The following MTHFD2L variants were observed in gnomAD, a reference collection of about 807,000 sequenced individuals.
MTHFD2L encodes methylenetetrahydrofolate dehydrogenase (NADP+ dependent) 2 like, also known as bifunctional methylenetetrahydrofolate dehydrogenase/cyclohydrolase 2, mitochondrial.
Under a neutral mutation model 34.9 loss-of-function variants are expected in MTHFD2L, and 29 were observed. That is an observed-to-expected ratio of 0.83 (90% CI 0.62 to 1.13). MTHFD2L has a LOEUF of 1.13. Among genes scored for constraint, MTHFD2L ranks in the 50% most tolerant of loss-of-function variants. MTHFD2L has a pLI of 0.00. For missense variants in MTHFD2L, 481 were observed against 446.5 expected (o/e 1.08, Z -0.70); for synonymous variants, 167 against 155.7 (o/e 1.07, Z -0.54).
Position 74,241,540 on chromosome 4 carries a change from C to T in MTHFD2L, c.805+16146C>T, listed in dbSNP as rs114668261. The T allele has an allele frequency of 4.6e-3, 2,040 of 440,592 alleles. 29 individuals are homozygous for T. The highest frequency in any genetic ancestry group is 0.038 in the African/African-American group (1,881 of 49,580). The allele number at this position is 440,592 out of a possible 1,614,324, so 27.3% of individuals were successfully genotyped here. On this transcript the variant is annotated intron_variant, in intron 6 of 7. Coordinates refer to ENST00000325278, the MANE Select transcript of MTHFD2L (RefSeq NM_001144978.3). ...TCCTAAGTAGGTGCACACCACCATG[C>T]GTAGCTAATTTTTGTATTTTTTGTA...
At chr4:74,215,156 G>A (rs769273641) in intron 5 of MTHFD2L, among the ~76,000 whole-genome samples, 4 of 151,750 alleles carry the variant, frequency 2.6e-5, no homozygotes, top group Admixed American at 6.6e-5. Flanking sequence ...GGTGGGATCC[G>A]CTGAACTAGA....
chr4:74,196,274 G>A (rs1490906657), intron 3 of MTHFD2L, among the ~76,000 whole-genome samples: 1 of 152,050 alleles, frequency 6.6e-6, no homozygotes, highest in Non-Finnish European at 1.5e-5. Context: ...TGAATAGGAT[G>A]TGAAAAAAAC....
intron 1 of MTHFD2L, among the ~76,000 whole-genome samples, chr4:74,144,917 T>C (rs1723498910): frequency 6.6e-6 from 1 of 152,188 alleles, no homozygotes; most frequent in African/African-American, 2.4e-5. Flanking sequence ...TAATAGTAAG[T>C]GCTGTAAGTG....
chr4:74,121,272 C>A (rs910534204), upstream of MTHFD2L, among the ~76,000 whole-genome samples: 78 of 152,096 alleles, frequency 5.1e-4, no homozygotes, highest in African/African-American at 1.8e-3. Flanking sequence ...CTTGAGATGG[C>A]AAATGACAAT....
chr4:74,118,986 A>C (rs970416676), upstream of MTHFD2L, among the ~76,000 whole-genome samples: 1 of 152,176 alleles, frequency 6.6e-6, no homozygotes, highest in African/African-American at 2.4e-5. Flanking sequence ...AGCTCTGAGG[A>C]GTGGTTGCAA....
At chr4:74,193,310 C>T (rs1474905829) in intron 3 of MTHFD2L, among the ~76,000 whole-genome samples, 1 of 152,070 alleles carries the variant, frequency 6.6e-6, no homozygotes, top group Non-Finnish European at 1.5e-5. Flanking sequence ...TTCCATTGAT[C>T]TATTTGTCTG....
intron 1 of MTHFD2L, among the ~76,000 whole-genome samples, chr4:74,149,790 A>G (rs572191644): frequency 6.6e-6 from 1 of 152,202 alleles, no homozygotes; most frequent in East Asian, 1.9e-4. Context: ...GTGTTGTGGT[A>G]GGTAGAAGAG....
upstream of MTHFD2L, among the ~76,000 whole-genome samples, chr4:74,154,551 T>C (rs777666903): frequency 6.6e-6 from 1 of 152,170 alleles, no homozygotes; most frequent in Non-Finnish European, 1.5e-5. Context: ...TACTTTATTT[T>C]ACTACTCAAA....
At chr4:74,190,784 T>C (rs1732331838) in intron 3 of MTHFD2L, among the ~76,000 whole-genome samples, 1 of 152,204 alleles carries the variant, frequency 6.6e-6, no homozygotes, top group East Asian at 1.9e-4. Context: ...TTATTTACTC[T>C]TAGAAAATAA....
At chr4:74,250,090 A>T (rs1322458123) in intron 6 of MTHFD2L, among the ~76,000 whole-genome samples, 1 of 151,996 alleles carries the variant, frequency 6.6e-6, no homozygotes, top group Non-Finnish European at 1.5e-5. Context: ...ACTTGGTTCC[A>T]TTCTCCCCGT....
intron 1 of MTHFD2L, 62 bp downstream of exon 1, chr4:74,158,343 G>GGCGGCGCTCGCGC: frequency 8.7e-7 from 1 of 1,151,910 alleles, no homozygotes; most frequent in East Asian, 4.1e-5. Context: ...CGGGGGCGCG[G>GGCGGCGCTCGCGC]GCGGCGCTCG....
intron 5 of MTHFD2L, chr4:74,224,032 G>T (rs966643989): frequency 9.2e-5 from 14 of 151,988 alleles, no homozygotes; most frequent in African/African-American, 3.1e-4. Context: ...GGATTTTTTA[G>T]ATCTACTGTT....
chr4:74,206,507 C>T (rs1223499916), intron 5 of MTHFD2L, among the ~76,000 whole-genome samples: 8 of 152,002 alleles, frequency 5.3e-5, no homozygotes, highest in Non-Finnish European at 1.0e-4. Context: ...GGAGTATATA[C>T]TGTGAGAAAG....
chr4:74,193,399 A>C (rs1732912752), intron 3 of MTHFD2L, among the ~76,000 whole-genome samples: 3 of 152,062 alleles, frequency 2.0e-5, no homozygotes, highest in South Asian at 2.1e-4. Flanking sequence ...AAATCTTCTA[A>C]CTCTGTTTTC....
chr4:74,175,638 A>G (rs1461099864), intron 3 of MTHFD2L, among the ~76,000 whole-genome samples: 1 of 152,088 alleles, frequency 6.6e-6, no homozygotes, highest in Non-Finnish European at 1.5e-5. Flanking sequence ...TTTGCACAGT[A>G]GTATGGGTCT....
intron 3 of MTHFD2L, chr4:74,194,385 A>T (rs192709110): frequency 1.3e-3 from 190 of 151,362 alleles, no homozygotes; most frequent in African/African-American, 4.5e-3. Context: ...TCTTTCAGTG[A>T]TTTTTTTTTC....
chr4:74,124,488 A>G (rs527533612), upstream of MTHFD2L, among the ~76,000 whole-genome samples: 418 of 151,278 alleles, frequency 2.8e-3, no homozygotes, highest in Admixed American at 8.0e-3. Flanking sequence ...GTATTTATAT[A>G]TTTATATATT....
intron 6 of MTHFD2L, among the ~76,000 whole-genome samples, chr4:74,236,941 A>G (rs1222639497): frequency 1.3e-5 from 2 of 152,084 alleles, no homozygotes; most frequent in Admixed American, 6.6e-5. Context: ...ATGGGATTAT[A>G]TGAAGTTGTA....
chr4:74,295,595 C>T (rs1749532749), intron 7 of MTHFD2L, among the ~76,000 whole-genome samples: 1 of 152,088 alleles, frequency 6.6e-6, no homozygotes, highest in Admixed American at 6.6e-5. Context: ...TTTTATGCTG[C>T]CTGAAATGTT....
Sources: allele counts gnomAD v4.1 joint callset (sites outside exome capture counted in the v4.1 genomes callset), GRCh38; gene constraint gnomAD v4.1.1; transcripts MANE v1.5; gene names NCBI Gene and HGNC (gene_info 2026-07-23, HGNC 2026-07-21).